Variants in ZCCHC17 observed in about 807,000 individuals in gnomAD.
ZCCHC17 encodes zinc finger CCHC-type containing 17.
In ZCCHC17, 18 loss-of-function variants were observed where a neutral mutation model predicts 30.6. The ratio of observed to expected loss-of-function variants is 0.59; its 90% confidence interval spans 0.41 to 0.87. ZCCHC17 has a LOEUF of 0.87. Among genes scored for constraint, ZCCHC17 ranks in the 40% least tolerant of loss-of-function variants. The probability of loss-of-function intolerance (pLI) is 0.00; values close to 1 mark genes in which losing one functional copy is unlikely to be tolerated. For missense variants in ZCCHC17, 263 were observed against 284.2 expected (o/e 0.93, Z 0.54); for synonymous variants, 88 against 92.4 (o/e 0.95, Z 0.27).
intron 4 of ZCCHC17, 131 bp downstream of exon 4, chr1:31,337,406 G>C: frequency 1.3e-6 from 1 of 773,780 alleles, no homozygotes; most frequent in Admixed American, 2.6e-5. Flanking sequence ...CCTGCCATTA[G>C]AATCTATTCT....
chr1:31,303,356 G>A (rs1295048551), intron 1 of ZCCHC17, among the ~76,000 whole-genome samples: 1 of 152,176 alleles, frequency 6.6e-6, no homozygotes, highest in African/African-American at 2.4e-5. Flanking sequence ...AGTAGTTTTA[G>A]TTAGCTTACT....
chr1:31,332,379 T>C (rs957311733), intron 3 of ZCCHC17, among the ~76,000 whole-genome samples: 1 of 152,168 alleles, frequency 6.6e-6, no homozygotes, highest in African/African-American at 2.4e-5. Context: ...CTAAGGCCTT[T>C]TGGTAATAAG....
intron 3 of ZCCHC17, among the ~76,000 whole-genome samples, chr1:31,323,319 C>A (rs1197461272): frequency 1.3e-5 from 2 of 151,792 alleles, no homozygotes; most frequent in Admixed American, 6.6e-5. Context: ...CCTCTGTATT[C>A]TTTCTTTCTT....
chr1:31,311,708 C>T (rs1646606538), intron 2 of ZCCHC17, among the ~76,000 whole-genome samples: 1 of 152,206 alleles, frequency 6.6e-6, no homozygotes, highest in African/African-American at 2.4e-5. Flanking sequence ...TTATGAGGCA[C>T]TCATCCATTC....
At chr1:31,327,131 TTC>T (rs1638387311) in intron 3 of ZCCHC17, among the ~76,000 whole-genome samples, 3 of 152,234 alleles carry the variant, frequency 2.0e-5, no homozygotes, top group Non-Finnish European at 2.9e-5. Context: ...ATTCCTTATG[TTC>T]TCTGATTTGT....
chr1:31,357,556 G>T (rs368875345), intron 7 of ZCCHC17, among the ~76,000 whole-genome samples: 19 of 152,222 alleles, frequency 1.2e-4, no homozygotes, highest in African/African-American at 4.6e-4. Flanking sequence ...CTATCTTCAT[G>T]GCACTTAGAT....
At chr1:31,312,664 G>C (rs1646633251) in intron 2 of ZCCHC17, among the ~76,000 whole-genome samples, 1 of 152,182 alleles carries the variant, frequency 6.6e-6, no homozygotes, top group South Asian at 2.1e-4. Context: ...TACAATGCCT[G>C]AGACATAGTA....
At chr1:31,343,959 A>G (rs762147903) in intron 5 of ZCCHC17, among the ~76,000 whole-genome samples, 14 of 149,740 alleles carry the variant, frequency 9.3e-5, no homozygotes, top group Non-Finnish European at 1.6e-4. Flanking sequence ...GGTTCAAGCA[A>G]TTCTCCTGCC....
At chr1:31,316,535 G>T (rs911518301) in intron 2 of ZCCHC17, among the ~76,000 whole-genome samples, 5 of 152,188 alleles carry the variant, frequency 3.3e-5, no homozygotes, top group African/African-American at 1.2e-4. Flanking sequence ...AGAAAGAAGC[G>T]ATTTGCTTTT....
intron 1 of ZCCHC17, among the ~76,000 whole-genome samples, chr1:31,301,141 C>T (rs1256772507): frequency 6.6e-6 from 1 of 152,106 alleles, no homozygotes; most frequent in Non-Finnish European, 1.5e-5. Context: ...CAATAGCATA[C>T]TGAATTGATG....
chr1:31,322,026 A>C (rs1206733887), intron 3 of ZCCHC17, among the ~76,000 whole-genome samples: 4 of 151,830 alleles, frequency 2.6e-5, no homozygotes, highest in Non-Finnish European at 2.9e-5. Flanking sequence ...TGTATACATG[A>C]ATCTACACAT....
intron 6 of ZCCHC17, among the ~76,000 whole-genome samples, chr1:31,347,944 G>A (rs1639334452): frequency 6.6e-6 from 1 of 152,054 alleles, no homozygotes; most frequent in South Asian, 2.1e-4. Context: ...CAATTCCTCT[G>A]TGCCCCTAAG....
At chr1:31,340,028 C>T (rs1027778455) in intron 5 of ZCCHC17, among the ~76,000 whole-genome samples, 4 of 129,654 alleles carry the variant, frequency 3.1e-5, no homozygotes, top group South Asian at 5.0e-4. Context: ...ATAATCACGG[C>T]TTACTGCAGT....
intron 2 of ZCCHC17, among the ~76,000 whole-genome samples, chr1:31,317,149 C>A (rs1246073638): frequency 6.6e-6 from 1 of 151,666 alleles, no homozygotes; most frequent in African/African-American, 2.4e-5. Flanking sequence ...CTCAGCCTCC[C>A]GAGTAGCTGG....
chr1:31,315,201 C>G (rs1347532998), intron 2 of ZCCHC17, among the ~76,000 whole-genome samples: 3 of 152,086 alleles, frequency 2.0e-5, no homozygotes, highest in Non-Finnish European at 2.9e-5. Flanking sequence ...GACTGGGCAT[C>G]CCTTTTTTAA....
rs186424092 is a variant in ZCCHC17, at chr1:31,322,698, G to A, written c.124+3532G>A. 4.2e-3 allele frequency among the ~76,000 whole-genome samples: 626 copies of A among 149,812 alleles called. 7 individuals carry two copies. The highest frequency in any genetic ancestry group is 4.5e-3 in the Non-Finnish European group (305 of 67,724). On this transcript the variant is annotated intron_variant, in intron 3 of 7. Transcript: ENST00000344147. ...AGTCTCCAGCCCCTCTCCCCTTCCCGGAAGTCAGAGGGTAGGGCTGAAATT... is the reference window on the plus strand; with the variant it reads ...AGTCTCCAGCCCCTCTCCCCTTCCCAGAAGTCAGAGGGTAGGGCTGAAATT...
chr1:31,325,808 G>A (rs1360809796), intron 3 of ZCCHC17, among the ~76,000 whole-genome samples: 1 of 152,184 alleles, frequency 6.6e-6, no homozygotes, highest in Non-Finnish European at 1.5e-5. Flanking sequence ...GGGCAAAGGT[G>A]CTGCTGGCCA....
intron 3 of ZCCHC17, among the ~76,000 whole-genome samples, chr1:31,325,777 C>T (rs1409137834): frequency 6.6e-6 from 1 of 152,170 alleles, no homozygotes; most frequent in Non-Finnish European, 1.5e-5. Flanking sequence ...AGAACGAGCC[C>T]AGCAGGTCCA....
At chr1:31,315,253 A>G (rs1038367909) in intron 2 of ZCCHC17, among the ~76,000 whole-genome samples, 8 of 152,134 alleles carry the variant, frequency 5.3e-5, no homozygotes, top group African/African-American at 1.2e-4. Flanking sequence ...TATCTTGTAC[A>G]TAGTAGATAG....
Sources: gnomAD v4.1 joint callset for allele counts (sites outside exome capture counted in the v4.1 genomes callset) on GRCh38, gnomAD v4.1.1 for gene constraint, MANE v1.5 for transcripts, NCBI Gene and HGNC (gene_info 2026-07-23, HGNC 2026-07-21) for gene names.